The following PCDH19 variants were observed in gnomAD, a reference collection of about 807,000 sequenced individuals.
PCDH19 encodes protocadherin 19, also known as protocadherin-19.
PCDH19 carries 6 observed loss-of-function variants against 46.2 expected under a neutral mutation model. That is an observed-to-expected ratio of 0.13 (90% CI 0.07 to 0.26). The LOEUF is 0.26. Ranked by LOEUF, PCDH19 falls within the 10% of genes least tolerant of loss-of-function variation. PCDH19 has a pLI of 1.00. For missense variants in PCDH19, 740 were observed against 972.3 expected (o/e 0.76, Z 3.18); for synonymous variants, 481 against 415.7 (o/e 1.16, Z -1.91).
Position 100,355,382 on chromosome X carries a change from C to T in PCDH19, c.2617-4678G>A, listed in dbSNP as rs938053444. On this transcript the variant is annotated intron_variant, in intron 3 of 5. Coordinates refer to ENST00000373034, the MANE Select transcript of PCDH19 (RefSeq NM_001184880.2). ...CTGTATACTCAAGGACCCCAAACTG[C>T]TGTGGTTTTTTTCTTGTCTTTAATT... is the stretch of plus-strand genomic sequence containing the variant. 7.2e-5 allele frequency among the ~76,000 whole-genome samples: 8 copies of T among 111,710 alleles called. No homozygotes were observed. In the South Asian group the frequency reaches 1.5e-3, roughly 21 times the overall value.
At position 100,293,962 on chromosome X, in the gene PCDH19, G is replaced by A. The variant is rs1924510954; in HGVS notation, c.*2315C>T. On this transcript the variant is annotated 3_prime_UTR_variant, in exon 6 of 6. Coordinates refer to ENST00000373034, the MANE Select transcript of PCDH19 (RefSeq NM_001184880.2). ...CTTTCCACAATCTTTTCTGCTCCCT[G>A]GTTCCCACTGAGCATAGCAAGAAAT... 9.0e-6 allele frequency: 1 copy of A among 111,361 alleles called. No homozygotes were observed. The highest frequency in any genetic ancestry group is 3.3e-5 in the African/African-American group (1 of 30,561). The allele number at this position is 111,361 out of a possible 1,213,427, so 9.2% of individuals were successfully genotyped here. A position where few individuals can be genotyped will look rare whatever the true frequency, so the allele number is the denominator to read the frequency against.
rs1257059307 is a variant in PCDH19 at position 100,407,047 on chromosome X, C to G, written c.1551G>C (p.Ala517=). The G allele has an allele frequency of 1.7e-6, 2 of 1,209,878 alleles. No homozygotes were observed. The highest frequency in any genetic ancestry group is 3.5e-5 in the African/African-American group (2 of 57,123). ...TCTGCTCGTGGTTAAAGGATCGCAG[C>G]GCGTAGATGTCGCCTGAGTTGGGAT... ...SINPNSGDIY[A]LRSFNHEQTK... Residue 517 remains alanine (A), a synonymous_variant, in exon 1 of 6, where the codon GCG becomes GCC. Coordinates refer to ENST00000373034, the MANE Select transcript of PCDH19 (RefSeq NM_001184880.2).
At chrX:100,394,644 A>AT (rs748827609) in intron 3 of PCDH19, among the ~76,000 whole-genome samples, 1 of 111,968 alleles carries the variant, frequency 8.9e-6, no homozygotes, top group East Asian at 2.8e-4. Flanking sequence ...ATTTTATTTC[A>AT]TTTTTTTAGA....
chrX:100,363,855 G>A (rs1396303026), intron 3 of PCDH19, among the ~76,000 whole-genome samples: 1 of 28,250 alleles, frequency 3.5e-5, no homozygotes, highest in Non-Finnish European at 5.8e-5. Flanking sequence ...GAATGTGCGT[G>A]CGTGTGTGTG....
At chrX:100,398,144 A>G (rs758466856) in intron 3 of PCDH19, among the ~76,000 whole-genome samples, 2 of 112,061 alleles carry the variant, frequency 1.8e-5, no homozygotes, top group South Asian at 7.5e-4. Flanking sequence ...CCTGACATCA[A>G]TAATTCTACA....
intron 3 of PCDH19, among the ~76,000 whole-genome samples, chrX:100,393,485 CACAT>C (rs1166572341): frequency 2.9e-5 from 2 of 69,287 alleles, no homozygotes; most frequent in East Asian, 4.7e-4. Context: ...CCCACACATA[CACAT>C]ACATACATAC....
At chrX:100,368,342 A>G (rs767001074) in intron 3 of PCDH19, among the ~76,000 whole-genome samples, 1 of 111,531 alleles carries the variant, frequency 9.0e-6, no homozygotes, top group South Asian at 3.9e-4. Flanking sequence ...TCTTTCCTGC[A>G]GCAGCCTGTA....
At position 100,322,833 on chromosome X, in the gene PCDH19, G is replaced by GTGTATATATATATA. The variant is rs1322393906; in HGVS notation, c.2848+19069_2848+19070insTATATATATATACA. Among the ~76,000 whole-genome samples the GTGTATATATATATA allele has an allele frequency of 1.8e-4, 9 of 48,787 alleles. 1 individual carries two copies. Among genetic ancestry groups the GTGTATATATATATA allele is most frequent in the African/African-American group, 9.4e-4 (7 of 7,415 alleles). 42.4% of individuals were successfully genotyped at this position (48,787 alleles called of 115,157 possible). ...CCTCCTTGGTTAGGTATATTCCTAA[G>GTGTATATATATATA]TATATATATATATATATATATATAT... On this transcript the variant is annotated intron_variant, in intron 5 of 5. Transcript: ENST00000373034.
chrX:100,395,246 A>G, intron 3 of PCDH19, among the ~76,000 whole-genome samples: 1 of 112,498 alleles, frequency 8.9e-6, no homozygotes, highest in Non-Finnish European at 1.9e-5. Context: ...AAAAGAAATC[A>G]GTTAGGAGTT....
At chrX:100,390,111 TC>T (rs1288606408) in intron 3 of PCDH19, among the ~76,000 whole-genome samples, 1 of 111,820 alleles carries the variant, frequency 8.9e-6, no homozygotes, top group Non-Finnish European at 1.9e-5. Context: ...TTCTATCTTG[TC>T]TCCTCAGTGG....
chrX:100,347,396 C>T (rs970859453), intron 4 of PCDH19, among the ~76,000 whole-genome samples: 1 of 112,053 alleles, frequency 8.9e-6, no homozygotes, highest in African/African-American at 3.3e-5. Context: ...ATGCTCTCTT[C>T]CCTGGTCCTG....
At chrX:100,401,771 T>TA (rs1928191696) in intron 3 of PCDH19, among the ~76,000 whole-genome samples, 1 of 111,360 alleles carries the variant, frequency 9.0e-6, no homozygotes, top group Non-Finnish European at 1.9e-5. Context: ...TTTTCGTTGT[T>TA]AGAGACGAAG....
chrX:100,296,417 T>C lies in PCDH19; in HGVS notation c.3307A>G (p.Asn1103Asp), dbSNP rs1171218956. The C allele has an allele frequency of 8.3e-7, 1 of 1,210,307 alleles. No homozygotes were observed. Among genetic ancestry groups the C allele is most frequent in the Admixed American group, 2.2e-5 (1 of 45,928 alleles). Residue 1103 changes from asparagine (N) to aspartate (D), a missense_variant, in exon 6 of 6, where the codon AAT (asparagine) becomes GAT (aspartate). Transcript: ENST00000373034. ...DLEQYVNNVNNGPTRPSEAEP... is the reference protein window; with the variant it reads ...DLEQYVNNVNDGPTRPSEAEP... ...GCTTCAGAGGGACGAGTAGGGCCAT[T>C]GTTGACATTGTTGACATACTGCTCC... is the stretch of plus-strand genomic sequence containing the variant.
chrX:100,376,846 C>G (rs1045672148), intron 3 of PCDH19, among the ~76,000 whole-genome samples: 2 of 112,388 alleles, frequency 1.8e-5, no homozygotes, highest in African/African-American at 6.5e-5. Flanking sequence ...TTGTGAGACA[C>G]TAGATTGTGA....
rs1315498661 is a variant in PCDH19, at chrX:100,296,476, T to C, written c.3248A>G (p.Tyr1083Cys). The C allele has an allele frequency of 1.7e-6, 2 of 1,209,168 alleles. No individual in the cohort carries two copies. Among genetic ancestry groups the C allele is most frequent in the African/African-American group, 3.5e-5 (2 of 56,849 alleles). ...SSLPTKPSVS[Y>C]TIALAPPARD... ...GGCTGGGGGAGCCAGGGCAATGGTG[T>C]AAGACACGGAAGGCTTGGTGGGCAG... The change falls in exon 6 of 6, where the codon TAC becomes TGC. Residue 1083 changes from tyrosine (Y) to cysteine (C), a missense_variant. Tyr to Cys is a radical substitution (Grantham distance 194). This residue lies in a region of PCDH19 where 416 missense variants were observed against 476.8 expected (regional missense o/e 0.87). Transcript: ENST00000373034.
At chrX:100,349,617 A>G (rs1926511768) in intron 4 of PCDH19, among the ~76,000 whole-genome samples, 1 of 112,309 alleles carries the variant, frequency 8.9e-6, no homozygotes, top group Non-Finnish European at 1.9e-5. Flanking sequence ...CCAGCAAAAT[A>G]ATACAATTTG....
chrX:100,348,020 C>CA (rs1264931535), intron 4 of PCDH19, among the ~76,000 whole-genome samples: 1 of 92,496 alleles, frequency 1.1e-5, no homozygotes, highest in Non-Finnish European at 2.1e-5. Flanking sequence ...GAGCCAAGAT[C>CA]ACACCACTGC....
intron 3 of PCDH19, among the ~76,000 whole-genome samples, chrX:100,369,215 T>G (rs1180529823): frequency 1.8e-5 from 2 of 111,068 alleles, no homozygotes; most frequent in African/African-American, 6.5e-5. Flanking sequence ...CATCCAAGGT[T>G]TTTCCAAGAT....
At chrX:100,302,043 T>C (rs766448197) in intron 5 of PCDH19, among the ~76,000 whole-genome samples, 1 of 111,418 alleles carries the variant, frequency 9.0e-6, no homozygotes, top group Non-Finnish European at 1.9e-5. Context: ...TATTCCTTCC[T>C]GCTTTGTCCT....
Sources: allele counts gnomAD v4.1 joint callset (sites outside exome capture counted in the v4.1 genomes callset), GRCh38; gene constraint gnomAD v4.1.1; regional missense constraint gnomAD v4.1.1; transcripts MANE v1.5; gene names NCBI Gene and HGNC (gene_info 2026-07-23, HGNC 2026-07-21).